Variants in DPH6 observed in about 807,000 individuals in gnomAD.
The protein encoded by DPH6 is diphthamine biosynthesis 6.
In DPH6, 33 loss-of-function variants were observed where a neutral mutation model predicts 38.2. The observed-to-expected ratio is 0.86, with a 90% CI of 0.65 to 1.15. The LOEUF (loss-of-function observed/expected upper bound fraction) is 1.15. Among genes scored for constraint, DPH6 ranks in the 50% most tolerant of loss-of-function variants. DPH6 has a pLI of 0.00. For synonymous variants in DPH6, 108 were observed against 103.0 expected (o/e 1.05, Z -0.30); for missense variants, 325 against 320.0 (o/e 1.02, Z -0.12).
the DPH6 span, among the ~76,000 whole-genome samples, chr15:35,173,485 C>A: frequency 6.6e-6 from 1 of 152,166 alleles, no homozygotes; most frequent in East Asian, 1.9e-4. Context: ...CTCCTCAACT[C>A]CAACCTTCTT....
At chr15:35,504,907 G>C (rs1369446840) in intron 3 of DPH6, among the ~76,000 whole-genome samples, 1 of 151,976 alleles carries the variant, frequency 6.6e-6, no homozygotes, top group Admixed American at 6.6e-5. Context: ...AGTAAAAAAA[G>C]GTCCGAAATA....
At chr15:35,450,488 A>G (rs1445276421) in intron 5 of DPH6, among the ~76,000 whole-genome samples, 197 bp downstream of exon 5, 1 of 151,032 alleles carries the variant, frequency 6.6e-6, no homozygotes, top group Non-Finnish European at 1.5e-5. Context: ...ACTAGTAATC[A>G]CTTCGGCAAA....
At chr15:35,451,879 G>C (rs7173096) in intron 4 of DPH6, among the ~76,000 whole-genome samples, 1 of 152,074 alleles carries the variant, frequency 6.6e-6, no homozygotes, top group Non-Finnish European at 1.5e-5. Context: ...GCATGGTGGC[G>C]GGCGCCTGTG....
intron 3 of DPH6, among the ~76,000 whole-genome samples, chr15:35,277,991 G>A (rs1041968401): frequency 6.6e-6 from 1 of 152,184 alleles, no homozygotes; most frequent in Non-Finnish European, 1.5e-5. Context: ...TTTGCATCCT[G>A]GTACATGGTA....
downstream of DPH6, among the ~76,000 whole-genome samples, chr15:35,367,908 A>T (rs1170278711): frequency 6.6e-6 from 1 of 151,880 alleles, no homozygotes; most frequent in Non-Finnish European, 1.5e-5. Context: ...TGTGAAATGG[A>T]GACACACCTG....
chr15:35,272,224 G>A (rs187748043), intron 3 of DPH6, among the ~76,000 whole-genome samples: 133 of 152,250 alleles, frequency 8.7e-4, no homozygotes, highest in African/African-American at 3.1e-3. Flanking sequence ...ATCTAGAGAT[G>A]ATTTAAAGTA....
chr15:35,522,342 G>C, intron 3 of DPH6: 1 of 1,525,144 alleles, frequency 6.6e-7, no homozygotes, highest in Non-Finnish European at 8.9e-7. Flanking sequence ...AAAAAGCCCT[G>C]AGGCTGGATT....
chr15:35,310,655 C>G (rs1220845529), intron 3 of DPH6, among the ~76,000 whole-genome samples: 2 of 152,216 alleles, frequency 1.3e-5, no homozygotes, highest in South Asian at 2.1e-4. Flanking sequence ...ATAGTACTAG[C>G]TGATAGAATA....
the DPH6 span, among the ~76,000 whole-genome samples, chr15:35,179,969 GTAAAGA>G: frequency 6.6e-6 from 1 of 152,122 alleles, no homozygotes; most frequent in Non-Finnish European, 1.5e-5. Flanking sequence ...TCTTGTACTT[GTAAAGA>G]TAGATTTGTT....
At chr15:35,237,300 G>T in intron 3 of DPH6, 1 of 1,563,924 alleles carries the variant, frequency 6.4e-7, no homozygotes, top group Non-Finnish European at 8.8e-7. Flanking sequence ...CCAGCGGCGC[G>T]GGAGCCTCTG....
intron 3 of DPH6, among the ~76,000 whole-genome samples, chr15:35,244,154 C>T (rs1405839027): frequency 2.0e-5 from 3 of 152,090 alleles, no homozygotes; most frequent in African/African-American, 7.2e-5. Context: ...TGGGATGTAC[C>T]AAAAGATATT....
chr15:35,483,767 G>A (rs1186558263), intron 3 of DPH6, among the ~76,000 whole-genome samples: 1 of 152,054 alleles, frequency 6.6e-6, no homozygotes, highest in East Asian at 1.9e-4. Flanking sequence ...ACACATACTA[G>A]CCAAAAATGG....
intron 3 of DPH6, among the ~76,000 whole-genome samples, chr15:35,526,222 G>A (rs2054999744): frequency 6.6e-6 from 1 of 152,174 alleles, no homozygotes; most frequent in Non-Finnish European, 1.5e-5. Context: ...GAATCCGTAA[G>A]AGAACTGGTC....
At chr15:35,188,113 A>T in the DPH6 span, among the ~76,000 whole-genome samples, 1 of 152,192 alleles carries the variant, frequency 6.6e-6, no homozygotes, top group Non-Finnish European at 1.5e-5. Context: ...GGCAGCTGTT[A>T]ACTGTCTCTC....
At chr15:35,241,205 C>T (rs1353257565) in intron 3 of DPH6, among the ~76,000 whole-genome samples, 8 of 143,908 alleles carry the variant, frequency 5.6e-5, no homozygotes, top group East Asian at 2.2e-4. Context: ...GGCTCTCTGA[C>T]TGACTCCTTC....
intron 7 of DPH6, among the ~76,000 whole-genome samples, chr15:35,379,821 G>A (rs1330017244): frequency 6.6e-6 from 1 of 152,144 alleles, no homozygotes; most frequent in Admixed American, 6.6e-5. Flanking sequence ...TAGTCCAACA[G>A]TATTTAGCAA....
At chr15:35,178,605 T>G in the DPH6 span, among the ~76,000 whole-genome samples, 2 of 152,174 alleles carry the variant, frequency 1.3e-5, no homozygotes, top group Non-Finnish European at 2.9e-5. Context: ...CCAAACCATA[T>G]AATATACCAA....
chr15:35,505,198 G>A (rs1356139857), intron 3 of DPH6, among the ~76,000 whole-genome samples: 4 of 152,122 alleles, frequency 2.6e-5, no homozygotes, highest in African/African-American at 4.8e-5. Context: ...AGTGTGGGAA[G>A]TGCATTGCTC....
At chr15:35,491,179 A>G (rs1198115991) in intron 3 of DPH6, among the ~76,000 whole-genome samples, 2 of 152,126 alleles carry the variant, frequency 1.3e-5, no homozygotes, top group Non-Finnish European at 2.9e-5. Flanking sequence ...AAATACACAC[A>G]CACACATATA....
Sources: gnomAD v4.1 joint callset for allele counts (sites outside exome capture counted in the v4.1 genomes callset) on GRCh38, gnomAD v4.1.1 for gene constraint, MANE v1.5 for transcripts, NCBI Gene and HGNC (gene_info 2026-07-23, HGNC 2026-07-21) for gene names.